The following PCNT variants were observed in gnomAD, a reference collection of about 807,000 sequenced individuals.
The protein encoded by PCNT is kendrin.
Under a neutral mutation model 380.4 loss-of-function variants are expected in PCNT, and 319 were observed. The observed-to-expected ratio is 0.84, with a 90% confidence interval of 0.77 to 0.92. The LOEUF (loss-of-function observed/expected upper bound fraction) is 0.92, where lower values mean the gene tolerates loss of function less well. Ranked by LOEUF, PCNT falls within the 40% of genes least tolerant of loss-of-function variation. PCNT has a pLI of 0.00. For missense variants in PCNT, 4,400 were observed against 4,255.3 expected (o/e 1.03, Z -0.95); for synonymous variants, 1,845 against 1,735.2 (o/e 1.06, Z -1.57).
chr21:46,373,015 G>A (rs1334298275), intron 15 of PCNT, among the ~76,000 whole-genome samples: 2 of 151,030 alleles, frequency 1.3e-5, no homozygotes, highest in Non-Finnish European at 2.9e-5. Context: ...GTTCTTCTAG[G>A]GTGACTGTTG....
At chr21:46,353,710 C>T (rs1418039573) in intron 10 of PCNT, among the ~76,000 whole-genome samples, 1 of 134,812 alleles carries the variant, frequency 7.4e-6, no homozygotes, top group Non-Finnish European at 1.6e-5. Context: ...GGGCACTCTC[C>T]TCCAGGTGTG....
At chr21:46,328,759 C>T (rs2146276617) in intron 2 of PCNT, among the ~76,000 whole-genome samples, 1 of 151,328 alleles carries the variant, frequency 6.6e-6, no homozygotes, top group Non-Finnish European at 1.5e-5. Context: ...CTGCACCCGG[C>T]CCTCTGGTTG....
intron 21 of PCNT, among the ~76,000 whole-genome samples, chr21:46,393,151 G>T (rs757830820): frequency 6.6e-6 from 1 of 152,296 alleles, no homozygotes; most frequent in South Asian, 2.1e-4. Flanking sequence ...TGTTGCCCCC[G>T]CACTCTGTGT....
chr21:46,334,645 C>T lies in PCNT; in HGVS notation c.516C>T (p.Phe172=). ...SDHPPEQRGM[F]TISDHQPEQR... Reference sequence around the variant, plus strand: ...ACCCACCAGAACAGCGTGGGATGTTCACAATCAGTGACCACCAACCGGAAC... The same window carrying T: ...ACCCACCAGAACAGCGTGGGATGTTTACAATCAGTGACCACCAACCGGAAC... The change falls in exon 3 of 47, where the codon TTC becomes TTT. Residue 172 remains phenylalanine (F), a synonymous_variant. Coordinates refer to ENST00000359568, the MANE Select transcript of PCNT (RefSeq NM_006031.6). 1 of 1,604,568 alleles carries T rather than the reference C, an allele frequency of 6.2e-7. No homozygotes were observed. Among genetic ancestry groups the T allele is most frequent in the Middle Eastern group, 1.7e-4 (1 of 6,000 alleles).
intron 15 of PCNT, among the ~76,000 whole-genome samples, chr21:46,369,440 G>A (rs959803403): frequency 6.6e-6 from 1 of 152,242 alleles, no homozygotes. Context: ...ACAGGGGTCT[G>A]ATGCTGCTGG....
Position 46,442,487 on chromosome 21 carries a change from T to C in PCNT, c.9624-10T>C, listed in dbSNP as rs762636949. ...TACTTTTAAGTGTGTCTTGTCTCTTTTTTTTGTAGATTACGTTTTTTGGTT... is the reference window on the plus strand; with the variant it reads ...TACTTTTAAGTGTGTCTTGTCTCTTCTTTTTGTAGATTACGTTTTTTGGTT... On this transcript the variant is annotated splice_polypyrimidine_tract_variant and intron_variant, in intron 43 of 46. Coordinates refer to ENST00000359568, the MANE Select transcript of PCNT (RefSeq NM_006031.6). The C allele has an allele frequency of 3.8e-6, 6 of 1,582,994 alleles. No homozygotes were observed. Among genetic ancestry groups the C allele is most frequent in the Non-Finnish European group, 4.3e-6 (5 of 1,151,802 alleles).
intron 3 of PCNT, 93 bp from the exon 4 acceptor site, chr21:46,346,035 G>T: frequency 4.0e-6 from 5 of 1,253,418 alleles, no homozygotes; most frequent in Non-Finnish European, 5.9e-6. Flanking sequence ...TGCGAACGGG[G>T]TTTTGTGAGG....
chr21:46,356,996 G>A lies in PCNT; in HGVS notation c.1959G>A (p.Gln653=), dbSNP rs1210330911. 5 of 1,614,064 alleles carry A rather than the reference G, an allele frequency of 3.1e-6. No individual in the cohort carries two copies. In the African/African-American group the frequency reaches 6.7e-5, roughly 22 times the overall value. Residue 653 remains glutamine, a synonymous_variant, in exon 13 of 47, where the codon CAG becomes CAA. Transcript: ENST00000359568. ...HSQELPWVHL[Q]GVQDGDLEAD... ...CAGAGCTTCCCTGGGTGCATCTCCAGGGTGTGCAGGACGGGGACTTGGAGG... is the reference window on the plus strand; with the variant it reads ...CAGAGCTTCCCTGGGTGCATCTCCAAGGTGTGCAGGACGGGGACTTGGAGG...
chr21:46,418,801 G>A (rs2147804826), intron 31 of PCNT, among the ~76,000 whole-genome samples: 1 of 152,348 alleles, frequency 6.6e-6, no homozygotes, highest in Admixed American at 6.5e-5. Flanking sequence ...CTGGAGAGGA[G>A]CCGAGGGGCC....
chr21:46,334,634 C>T lies in PCNT; in HGVS notation c.505C>T (p.Arg169Cys), dbSNP rs748260212. ...AGTCAGTGACCACCCACCAGAACAG[C>T]GTGGGATGTTCACAATCAGTGACCA... is the stretch of plus-strand genomic sequence containing the variant. ...FTVSDHPPEQRGMFTISDHQP... is the reference protein window; with the variant it reads ...FTVSDHPPEQCGMFTISDHQP... The change falls in exon 3 of 47, where the codon CGT becomes TGT. Residue 169 changes from arginine to cysteine, a missense_variant. Transcript: ENST00000359568. 127 of 1,604,888 alleles carry T rather than the reference C, an allele frequency of 7.9e-5. No homozygotes were observed. The highest frequency in any genetic ancestry group is 1.0e-4 in the Non-Finnish European group (117 of 1,174,742).
chr21:46,439,864 A>G (rs897935406), intron 41 of PCNT, among the ~76,000 whole-genome samples: 2 of 152,216 alleles, frequency 1.3e-5, no homozygotes, highest in Non-Finnish European at 2.9e-5. Flanking sequence ...AGCAAGTGGC[A>G]TGTCGTAATT....
At position 46,428,508 on chromosome 21, in the gene PCNT, G is replaced by A. The variant is rs1476193571; in HGVS notation, c.7608G>A (p.Gln2536=). The A allele has an allele frequency of 6.2e-7, 1 of 1,611,826 alleles. No individual in the cohort carries two copies. Among genetic ancestry groups the A allele is most frequent in the East Asian group, 2.2e-5 (1 of 44,888 alleles). The change falls in exon 35 of 47, where the codon CAG becomes CAA. Residue 2536 remains glutamine (Q), a synonymous_variant. Transcript: ENST00000359568. ...AQLRMTHLQN[Q]EKLQHLRTAL... is the part of the protein sequence containing the mutation. ...TGCGCATGACGCACCTGCAGAACCAGGAGAAGCTGCAGCACTTGCGCACGG... is the reference window on the plus strand; with the variant it reads ...TGCGCATGACGCACCTGCAGAACCAAGAGAAGCTGCAGCACTTGCGCACGG...
intron 15 of PCNT, among the ~76,000 whole-genome samples, chr21:46,368,590 G>T (rs911055218): frequency 1.4e-4 from 21 of 152,248 alleles, no homozygotes; most frequent in Admixed American, 1.3e-4. Flanking sequence ...GAAAGGACAC[G>T]TGTTGTCGTA....
rs546681315 is a variant in PCNT, at chr21:46,425,330, C to G, written c.7180-501C>G. 6.6e-6 allele frequency among the ~76,000 whole-genome samples: 1 copy of G among 152,368 alleles called. No homozygotes were observed. Among genetic ancestry groups the G allele is most frequent in the African/African-American group, 2.4e-5 (1 of 41,590 alleles). On this transcript the variant is annotated intron_variant, in intron 32 of 46. Coordinates refer to ENST00000359568, the MANE Select transcript of PCNT (RefSeq NM_006031.6). The surrounding 1 kb of genome is among the most constrained non-coding windows in gnomAD (Gnocchi z 4.2). ...GGTTTTCTCTGCTCCCCGTGCCCAGCACAGGCAGCTTCACCCCACGCTGGT... is the reference window on the plus strand; with the variant it reads ...GGTTTTCTCTGCTCCCCGTGCCCAGGACAGGCAGCTTCACCCCACGCTGGT...
chr21:46,412,767 A>G (rs958397003), intron 28 of PCNT, 70 bp from the exon 29 acceptor site: 35 of 1,553,278 alleles, frequency 2.3e-5, no homozygotes, highest in Non-Finnish European at 3.1e-5. Context: ...TCCCAGCTCC[A>G]GGCCACCTGA....
chr21:46,383,705 T>G (rs1324915969), intron 16 of PCNT, among the ~76,000 whole-genome samples: 3 of 145,496 alleles, frequency 2.1e-5, no homozygotes, highest in South Asian at 4.6e-4. Flanking sequence ...CGGAAGCGCA[T>G]TCACAGTGTT....
Position 46,351,447 on chromosome 21 carries a change from T to G in PCNT, c.1363T>G (p.Ser455Ala), listed in dbSNP as rs1171936930. 6.2e-7 allele frequency: 1 copy of G among 1,606,586 alleles called. No individual in the cohort carries two copies. The highest frequency in any genetic ancestry group is 8.5e-7 in the Non-Finnish European group (1 of 1,173,284). The change falls in exon 9 of 47, where the codon TCA (serine) becomes GCA (alanine). Residue 455 changes from serine to alanine, a missense_variant. Physicochemically the swap from Ser to Ala is moderately conservative, Grantham distance 99. Transcript: ENST00000359568. ...TTTCCAGTTAGAGAATCTTCAAGCA[T>G]CATATGAAGACCTGAAGGCACAATC... ...KQLELENLQA[S>A]YEDLKAQSQE...
Position 46,424,208 on chromosome 21 carries a change from C to T in PCNT, c.7180-1623C>T, listed in dbSNP as rs528405812. On this transcript the variant is annotated intron_variant, in intron 32 of 46. Transcript: ENST00000359568. Reference sequence around the variant, plus strand: ...TGAGGAGGCTGAGAGGTCCTGAGCACGGGTGGGGCCCCGGCCACTCTTGGC... The same window carrying T: ...TGAGGAGGCTGAGAGGTCCTGAGCATGGGTGGGGCCCCGGCCACTCTTGGC... 8.5e-5 allele frequency among the ~76,000 whole-genome samples: 13 copies of T among 152,274 alleles called. No homozygotes were observed. The South Asian group carries it at 2.7e-3, about 32-fold the overall frequency.
intron 12 of PCNT, among the ~76,000 whole-genome samples, chr21:46,356,725 C>T (rs560538638): frequency 3.3e-5 from 5 of 152,334 alleles, no homozygotes; most frequent in South Asian, 2.1e-4. Flanking sequence ...GTGTGGCTGT[C>T]GTGTGGGCCC....
Sources: gnomAD v4.1 joint callset for allele counts (sites outside exome capture counted in the v4.1 genomes callset) on GRCh38, gnomAD v4.1.1 for gene constraint, Gnocchi (gnomAD v3.1) non-coding constraint, MANE v1.5 for transcripts, NCBI Gene and HGNC (gene_info 2026-07-23, HGNC 2026-07-21) for gene names.